Variants in ZNF91 observed in about 807,000 individuals in gnomAD.
ZNF91 encodes the protein zinc finger protein 91.
ZNF91 carries 7 observed loss-of-function variants against 12.6 expected under a neutral mutation model. That is an observed-to-expected ratio of 0.55 (90% CI 0.31 to 1.04). The LOEUF is 1.04. Among genes scored for constraint, ZNF91 ranks in the 50% least tolerant of loss-of-function variants. The pLI is 0.05. For synonymous variants in ZNF91, 453 were observed against 462.6 expected (o/e 0.98, Z 0.27); for missense variants, 1,217 against 1,385.4 (o/e 0.88, Z 1.93).
chr19:23,349,109 G>A (rs140840172), intron 3 of ZNF91, among the ~76,000 whole-genome samples: 122 of 152,234 alleles, frequency 8.0e-4, no homozygotes, highest in African/African-American at 2.8e-3. Flanking sequence ...AGCGGGACAT[G>A]GACACTCATT....
chr19:23,350,663 T>TC (rs1364147683), intron 3 of ZNF91, among the ~76,000 whole-genome samples: 1 of 152,084 alleles, frequency 6.6e-6, no homozygotes, highest in Non-Finnish European at 1.5e-5. Context: ...AACTTCTCCC[T>TC]CCTCAGGCCC....
chr19:23,373,889 C>T (rs1969397914), intron 2 of ZNF91, 52 bp from the exon 3 acceptor site: 9 of 1,371,070 alleles, frequency 6.6e-6, no homozygotes, highest in Non-Finnish European at 8.1e-6. Flanking sequence ...CTCCACCTGC[C>T]AACTTAGTAA....
chr19:23,308,441 A>C (rs959221765), intron 2 of ZNF91: 1 of 152,056 alleles, frequency 6.6e-6, no homozygotes, highest in African/African-American at 2.4e-5. Context: ...AGATTGTGAC[A>C]TATCTCTTGA....
intron 1 of ZNF91, among the ~76,000 whole-genome samples, chr19:23,318,356 C>G (rs1342630514): frequency 6.6e-6 from 1 of 152,138 alleles, no homozygotes; most frequent in Non-Finnish European, 1.5e-5. Context: ...CTGATCTCTG[C>G]TCACAGGGGA....
intron 3 of ZNF91, among the ~76,000 whole-genome samples, chr19:23,372,579 T>C (rs753848257): frequency 6.6e-6 from 1 of 152,210 alleles, no homozygotes; most frequent in Non-Finnish European, 1.5e-5. Context: ...CAAGAAAATA[T>C]TCCACTTAAC....
chr19:23,335,756 C>T (rs1006267545), downstream of ZNF91, among the ~76,000 whole-genome samples: 7 of 152,132 alleles, frequency 4.6e-5, no homozygotes, highest in South Asian at 2.1e-4. Flanking sequence ...GGGAATTCCC[C>T]GACCCCTTGC....
chr19:23,376,719 CA>C (rs1969517134), intron 1 of ZNF91, among the ~76,000 whole-genome samples: 1 of 152,022 alleles, frequency 6.6e-6, no homozygotes, highest in African/African-American at 2.4e-5. Context: ...GTAGTTAAGA[CA>C]AACTCATTAG....
intron 1 of ZNF91, among the ~76,000 whole-genome samples, chr19:23,320,472 A>T (rs1219838476): frequency 6.6e-6 from 1 of 152,196 alleles, no homozygotes; most frequent in African/African-American, 2.4e-5. Flanking sequence ...GACCTCAGGA[A>T]ATTTATAATC....
intron 1 of ZNF91, among the ~76,000 whole-genome samples, chr19:23,331,278 G>A (rs1388708957): frequency 8.8e-6 from 1 of 113,706 alleles, no homozygotes; most frequent in African/African-American, 3.9e-5. Flanking sequence ...AAGTCCCTGA[G>A]GAAATTAATT....
Position 23,362,404 on chromosome 19 carries a change from C to T in ZNF91, c.575G>A (p.Cys192Tyr), listed in dbSNP as rs758818527. The T allele has an allele frequency of 2.5e-6, 4 of 1,613,956 alleles. No homozygotes were observed. Among genetic ancestry groups the T allele is most frequent in the Non-Finnish European group, 3.4e-6 (4 of 1,179,962 alleles). ...FKCKKCVKSF[C>Y]IRLHKTQHKC... ...ATGTTGGGTTTTGTGTAAACGGATG[C>T]AAAATGACTTGACACATTTTTTACA... The change falls in exon 4 of 4, where the codon TGC (cysteine) becomes TAC (tyrosine). Residue 192 changes from cysteine to tyrosine, a missense_variant. Cys to Tyr is a radical substitution (Grantham distance 194). Coordinates refer to ENST00000300619, the MANE Select transcript of ZNF91 (RefSeq NM_003430.4).
downstream of ZNF91, among the ~76,000 whole-genome samples, chr19:23,357,226 C>G (rs1968512928): frequency 7.2e-6 from 1 of 138,046 alleles, no homozygotes; most frequent in African/African-American, 2.8e-5. Flanking sequence ...GACTCTGTCT[C>G]AAAAACAAAC....
At position 23,367,712 on chromosome 19, in the gene ZNF91, AG is replaced by A. The variant is rs1157138040; in HGVS notation, c.254-4988del. ...AAACAGATGAAAGAACAGAGTAGAG[AG>A]GCCAGAAATGAACCCTTCTGTATAT... On this transcript the variant is annotated intron_variant, in intron 3 of 3. Coordinates refer to ENST00000300619, the MANE Select transcript of ZNF91 (RefSeq NM_003430.4). 2.0e-5 allele frequency among the ~76,000 whole-genome samples: 3 copies of A among 152,206 alleles called. 1 individual carries two copies. Among genetic ancestry groups the A allele is most frequent in the Admixed American group, 2.0e-4 (3 of 15,278 alleles).
At chr19:23,363,075 G>A (rs1417060494) in intron 3 of ZNF91, among the ~76,000 whole-genome samples, 1 of 152,126 alleles carries the variant, frequency 6.6e-6, no homozygotes, top group Non-Finnish European at 1.5e-5. Flanking sequence ...AATGAGTTAA[G>A]TGTGTGCAGT....
intron 3 of ZNF91, among the ~76,000 whole-genome samples, chr19:23,366,277 G>A (rs974777367): frequency 6.6e-6 from 1 of 151,764 alleles, no homozygotes; most frequent in Non-Finnish European, 1.5e-5. Context: ...AGACGGGGCG[G>A]CTGGCCTGGC....
Position 23,370,001 on chromosome 19 carries a change from T to TA in ZNF91, c.253+3740dup, listed in dbSNP as rs60615373. On this transcript the variant is annotated intron_variant, in intron 3 of 3. Transcript: ENST00000300619. ...CCGAGAAACACCCAAGAATGATCAATAAAAAAAAAAAAAAAAAGCAAAAAA... is the reference window on the plus strand; with the variant it reads ...CCGAGAAACACCCAAGAATGATCAATAAAAAAAAAAAAAAAAAAGCAAAAAA... Among the ~76,000 whole-genome samples the TA allele has an allele frequency of 4.0e-3, 428 of 107,876 alleles. 1 individual carries two copies. Among genetic ancestry groups the TA allele is most frequent in the African/African-American group, 0.014 (379 of 27,394 alleles). 70.8% of individuals were successfully genotyped at this position (107,876 alleles called of 152,430 possible).
At position 23,373,817 on chromosome 19, in the gene ZNF91, C is replaced by T; in HGVS notation, c.178G>A (p.Asp60Asn). The change falls in exon 3 of 4, where the codon GAC (aspartate) becomes AAC (asparagine). Residue 60 changes from aspartate (D) to asparagine (N), a missense_variant. Asp to Asn is a conservative substitution (Grantham distance 23). Coordinates refer to ENST00000300619, the MANE Select transcript of ZNF91 (RefSeq NM_003430.4). ...AFLGIALSKP[D>N]LITYLEQGKE... ...CCTTGCTCCAGATAAGTAATCAGGT[C>T]TGGCTTAGAGAGAGCAATACCTGTT... 6 of 1,610,070 alleles carry T rather than the reference C, an allele frequency of 3.7e-6. No individual in the cohort carries two copies. The highest frequency in any genetic ancestry group is 3.3e-5 in the South Asian group (3 of 90,798).
At chr19:23,390,568 G>C (rs1306160523) in intron 1 of ZNF91, among the ~76,000 whole-genome samples, 1 of 152,128 alleles carries the variant, frequency 6.6e-6, no homozygotes, top group Non-Finnish European at 1.5e-5. Context: ...ATGTTGGCCA[G>C]GCTGGTCTTG....
intron 1 of ZNF91, among the ~76,000 whole-genome samples, chr19:23,329,678 A>G (rs955793606): frequency 6.6e-6 from 1 of 152,194 alleles, no homozygotes; most frequent in African/African-American, 2.4e-5. Context: ...ACTTCTGGTG[A>G]TGACAGACTT....
chr19:23,360,659 C>A lies in ZNF91; in HGVS notation c.2320G>T (p.Glu774Ter). ...GACCATATAAATGCTTTGCCACATT[C>A]TTTACATTTGAAGGGTTTCTCTCTA... ...HTREKPFKCK[E>*]CGKAFIWSST... is the part of the protein sequence containing the mutation. Residue 774 changes from glutamate to a stop codon, truncating the protein, a stop_gained, in exon 4 of 4, where the codon GAA becomes TAA. Coordinates refer to ENST00000300619, the MANE Select transcript of ZNF91 (RefSeq NM_003430.4). LOFTEE classifies it low-confidence loss of function (END_TRUNC). The A allele has an allele frequency of 1.2e-6, 2 of 1,613,878 alleles. No individual in the cohort carries two copies. The highest frequency in any genetic ancestry group is 2.2e-5 in the South Asian group (2 of 91,072).
Sources: allele counts gnomAD v4.1 joint callset (sites outside exome capture counted in the v4.1 genomes callset), GRCh38; gene constraint gnomAD v4.1.1; transcripts MANE v1.5; gene names NCBI Gene and HGNC (gene_info 2026-07-23, HGNC 2026-07-21).